The following RERE variants were observed in gnomAD, a reference collection of about 807,000 sequenced individuals.
The protein encoded by RERE is arginine-glutamic acid dipeptide repeats.
RERE carries 40 observed loss-of-function variants against 146.1 expected under a neutral mutation model. The observed-to-expected ratio is 0.27, with a 90% CI of 0.21 to 0.36. The LOEUF is 0.36. Among genes scored for constraint, RERE ranks in the 10% least tolerant of loss-of-function variants. RERE has a pLI of 1.00. For synonymous variants in RERE, 1,003 were observed against 866.0 expected, an observed-to-expected ratio of 1.16 and a Z score of -2.78; for missense variants, 1,933 against 2,138.7, an observed-to-expected ratio of 0.90 and a Z score of 1.90.
rs576737802 is a variant in RERE at position 8,661,893 on chromosome 1, A to G, written c.-144-5452T>C. Among the ~76,000 whole-genome samples, 11 of 152,348 alleles carry G rather than the reference A, an allele frequency of 7.2e-5. No individual in the cohort carries two copies. In the East Asian group the frequency reaches 2.1e-3, roughly 29 times the overall value. Reference sequence around the variant, plus strand: ...CCCAGGAAGTGAGTACAACTTTTTGACAAAACTTTTAAAACTCATGAGAAC... The same window carrying G: ...CCCAGGAAGTGAGTACAACTTTTTGGCAAAACTTTTAAAACTCATGAGAAC... On this transcript the variant is annotated intron_variant, in intron 1 of 22. Transcript: ENST00000400908.
At chr1:8,811,377 T>C (rs947494226) in intron 1 of RERE, among the ~76,000 whole-genome samples, 6 of 152,052 alleles carry the variant, frequency 3.9e-5, no homozygotes, top group Admixed American at 1.3e-4. Flanking sequence ...GTGGCCAAGG[T>C]AGGAGGATCA....
intron 7 of RERE, among the ~76,000 whole-genome samples, chr1:8,540,892 A>C (rs1248861252): frequency 1.3e-5 from 2 of 152,218 alleles, no homozygotes; most frequent in Non-Finnish European, 1.5e-5. Flanking sequence ...TCAGGGAAAT[A>C]ATCTACCAAT....
chr1:8,654,193 C>A (rs1487185269), intron 2 of RERE, among the ~76,000 whole-genome samples: 3 of 152,032 alleles, frequency 2.0e-5, no homozygotes, highest in African/African-American at 7.3e-5. Context: ...TCTCATCACA[C>A]TCCCAGCTAA....
chr1:8,356,358 C>A lies in RERE; in HGVS notation c.4340-112G>T, dbSNP rs774947325. Reference sequence around the variant, plus strand: ...CCTCACCCAGGATGGCTCCTGGTCACCAGGGCTGGATGCACCACCTGGCTA... The same window carrying A: ...CCTCACCCAGGATGGCTCCTGGTCAACAGGGCTGGATGCACCACCTGGCTA... On this transcript the variant is annotated intron_variant, in intron 20 of 22. Coordinates refer to ENST00000400908, the MANE Select transcript of RERE (RefSeq NM_001042681.2). This position sits in a 1 kb window ranked among gnomAD's most constrained non-coding sequence, Gnocchi z 5.2. The A allele has an allele frequency of 3.4e-5, 42 of 1,248,206 alleles. No homozygotes were observed. The highest frequency in any genetic ancestry group is 4.3e-5 in the Non-Finnish European group (41 of 956,610). 77.3% of individuals were successfully genotyped at this position (1,248,206 alleles called of 1,614,324 possible).
intron 11 of RERE, chr1:8,465,560 C>T (rs914255677): frequency 1.7e-5 from 6 of 353,932 alleles, no homozygotes; most frequent in African/African-American, 1.3e-4. Context: ...AGTCACCAAC[C>T]CTACTTTAGG....
At chr1:8,590,393 ACC>A (rs1646477968) in intron 4 of RERE, among the ~76,000 whole-genome samples, 1 of 152,160 alleles carries the variant, frequency 6.6e-6, no homozygotes, top group East Asian at 1.9e-4. Context: ...AGTACTATGG[ACC>A]ACAGAGAATG....
intron 1 of RERE, among the ~76,000 whole-genome samples, chr1:8,764,429 C>CA (rs917181387): frequency 6.6e-6 from 1 of 151,330 alleles, no homozygotes; most frequent in African/African-American, 2.4e-5. Flanking sequence ...TGTTTAAAAA[C>CA]AAAAAAAAGC....
Position 8,423,564 on chromosome 1 carries a change from G to C in RERE, c.1204-757C>G, listed in dbSNP as rs1169749492. ...GCTCCTGGCTCCGAGCCCCCACCTC[G>C]GGGCTCCCAGCCTGGTCCCGGGCGG... On this transcript the variant is annotated intron_variant, in intron 11 of 22. Transcript: ENST00000400908. The surrounding 1 kb of genome is among the most constrained non-coding windows in gnomAD (Gnocchi z 5.4). 1.5e-5 allele frequency: 15 copies of C among 985,068 alleles called. No individual in the cohort carries two copies. The highest frequency in any genetic ancestry group is 1.8e-5 in the Non-Finnish European group (15 of 829,846). The allele number at this position is 985,068 out of a possible 1,614,324, so 61.0% of individuals were successfully genotyped here. A position where few individuals can be genotyped will look rare whatever the true frequency, so the allele number is the denominator to read the frequency against.
intron 1 of RERE, among the ~76,000 whole-genome samples, chr1:8,668,280 G>C (rs935851713): frequency 6.6e-6 from 1 of 152,170 alleles, no homozygotes; most frequent in Non-Finnish European, 1.5e-5. Flanking sequence ...GGGTGAATTA[G>C]GAGAACATAA....
chr1:8,495,002 T>C lies in RERE; in HGVS notation c.1104+61A>G, dbSNP rs1645027456. 16 of 1,220,010 alleles carry C rather than the reference T, an allele frequency of 1.3e-5. 1 individual carries two copies. The South Asian group carries it at 1.9e-4, about 15-fold the overall frequency. The allele number at this position is 1,220,010 out of a possible 1,614,324, so 75.6% of individuals were successfully genotyped here. A position where few individuals can be genotyped will look rare whatever the true frequency, so the allele number is the denominator to read the frequency against. ...TGCTCCGCACTCATCACACATTCCCTACAGCCAGTTCAGGGGAAAAAGAAG... is the reference window on the plus strand; with the variant it reads ...TGCTCCGCACTCATCACACATTCCCCACAGCCAGTTCAGGGGAAAAAGAAG... On this transcript the variant is annotated intron_variant, in intron 10 of 22. Coordinates refer to ENST00000400908, the MANE Select transcript of RERE (RefSeq NM_001042681.2).
intron 11 of RERE, among the ~76,000 whole-genome samples, chr1:8,444,108 T>G (rs1644287805): frequency 6.6e-6 from 1 of 152,164 alleles, no homozygotes; most frequent in East Asian, 1.9e-4. Flanking sequence ...ACTGTATGCC[T>G]GGAAAAGCTG....
chr1:8,387,417 TAACA>T (rs1553160031), intron 12 of RERE, among the ~76,000 whole-genome samples: 2 of 152,142 alleles, frequency 1.3e-5, no homozygotes, highest in Non-Finnish European at 2.9e-5. Context: ...GAGAGATTTC[TAACA>T]AATAAAAGCT....
chr1:8,360,191 T>C lies in RERE; in HGVS notation c.3316A>G (p.Ser1106Gly), dbSNP rs946928115. The C allele has an allele frequency of 2.5e-6, 4 of 1,597,338 alleles. No individual in the cohort carries two copies. The highest frequency in any genetic ancestry group is 2.6e-6 in the Non-Finnish European group (3 of 1,173,126). The change falls in exon 18 of 23, where the codon AGC (serine) becomes GGC (glycine). Residue 1106 changes from serine to glycine, a missense_variant. Transcript: ENST00000400908. ...GGGCTCCTTGGTGGGGGAGGGGGGC[T>C]CTCAGGCTCCTCAGCGTCGTCCAGA... ...EALDDAEEPE[S>G]PPPPPRSPSP...
At chr1:8,520,484 A>G (rs1645477602) in intron 7 of RERE, among the ~76,000 whole-genome samples, 1 of 152,170 alleles carries the variant, frequency 6.6e-6, no homozygotes, top group Admixed American at 6.5e-5. Context: ...GAGTAATGTC[A>G]GGAAAAAAAC....
intron 12 of RERE, among the ~76,000 whole-genome samples, chr1:8,407,478 CT>C (rs151226012): frequency 7.0e-4 from 107 of 151,920 alleles, no homozygotes; most frequent in African/African-American, 2.2e-3. Flanking sequence ...TAAAATTCCA[CT>C]TTTTTTTTCT....
At chr1:8,795,205 T>C (rs1641444538) in intron 1 of RERE, among the ~76,000 whole-genome samples, 1 of 152,042 alleles carries the variant, frequency 6.6e-6, no homozygotes, top group Non-Finnish European at 1.5e-5. Flanking sequence ...TTTGTATTTT[T>C]AGTAGAGATG....
intron 4 of RERE, among the ~76,000 whole-genome samples, chr1:8,559,506 T>C (rs1646053206): frequency 6.6e-6 from 1 of 151,788 alleles, no homozygotes; most frequent in South Asian, 2.1e-4. Flanking sequence ...AAATTTCTGA[T>C]GGCAAAAAAA....
intron 6 of RERE, among the ~76,000 whole-genome samples, chr1:8,553,229 AGC>A (rs1372969035): frequency 1.3e-5 from 2 of 150,660 alleles, no homozygotes; most frequent in Admixed American, 1.3e-4. Flanking sequence ...CCATTAGGCC[AGC>A]ATGTCCACAT....
chr1:8,622,943 G>A (rs1417699590), intron 3 of RERE, among the ~76,000 whole-genome samples: 2 of 152,086 alleles, frequency 1.3e-5, no homozygotes, highest in Non-Finnish European at 1.5e-5. Flanking sequence ...ATTACAAAGG[G>A]TGTTGGAAAT....
Sources: allele counts gnomAD v4.1 joint callset (sites outside exome capture counted in the v4.1 genomes callset), GRCh38; gene constraint gnomAD v4.1.1; non-coding constraint Gnocchi (gnomAD v3.1); transcripts MANE v1.5; gene names NCBI Gene and HGNC (gene_info 2026-07-23, HGNC 2026-07-21).